The following NRG1 variants were observed in gnomAD, a reference collection of about 807,000 sequenced individuals.
NRG1 encodes neuregulin 1, also known as pro-neuregulin-1, membrane-bound isoform.
NRG1 carries 18 observed loss-of-function variants against 63.8 expected under a neutral mutation model. That is an observed-to-expected ratio of 0.28 (90% CI 0.19 to 0.42). The LOEUF (loss-of-function observed/expected upper bound fraction) is 0.42, where lower values mean the gene tolerates loss of function less well. Ranked by LOEUF, NRG1 falls within the 10% of genes least tolerant of loss-of-function variation. NRG1 has a pLI of 1.00. For missense variants in NRG1, 762 were observed against 814.7 expected, an observed-to-expected ratio of 0.94 and a Z score of 0.79; for synonymous variants, 302 against 301.3, an observed-to-expected ratio of 1.00 and a Z score of -0.02.
chr8:31,756,929 G>A (rs1817023369), intron 1 of NRG1, among the ~76,000 whole-genome samples: 1 of 152,020 alleles, frequency 6.6e-6, no homozygotes, highest in African/African-American at 2.4e-5. Flanking sequence ...CAGTCTATTG[G>A]GTCAGGGTAT....
At chr8:32,343,301 C>A (rs1804312413) in intron 1 of NRG1, among the ~76,000 whole-genome samples, 1 of 152,090 alleles carries the variant, frequency 6.6e-6, no homozygotes, top group African/African-American at 2.4e-5. Context: ...TTCTTTGTGG[C>A]CATTAGTGTT....
At chr8:32,615,643 G>A (rs1847217729) in intron 4 of NRG1, among the ~76,000 whole-genome samples, 1 of 151,942 alleles carries the variant, frequency 6.6e-6, no homozygotes, top group African/African-American at 2.4e-5. Context: ...TAATCAACAT[G>A]TCTTTTTCCA....
intron 1 of NRG1, among the ~76,000 whole-genome samples, chr8:32,401,820 C>T (rs73250454): frequency 0.062 from 9,383 of 152,212 alleles, 388 homozygotes; most frequent in Middle Eastern, 0.11. Context: ...ATAATCTGTA[C>T]GTCAAATGCC....
chr8:32,208,404 C>A (rs995601696), intron 1 of NRG1, among the ~76,000 whole-genome samples: 2 of 151,646 alleles, frequency 1.3e-5, no homozygotes, highest in African/African-American at 4.8e-5. Flanking sequence ...ATTACAGGCA[C>A]CCTCCACCAT....
intron 1 of NRG1, among the ~76,000 whole-genome samples, chr8:31,881,383 T>C (rs1028664223): frequency 6.6e-6 from 1 of 152,202 alleles, no homozygotes; most frequent in African/African-American, 2.4e-5. Context: ...AGTTGGTAAA[T>C]GTTGTGTGTA....
intron 1 of NRG1, among the ~76,000 whole-genome samples, chr8:31,803,998 G>A (rs1446455978): frequency 2.6e-5 from 4 of 152,028 alleles, no homozygotes; most frequent in South Asian, 2.1e-4. Flanking sequence ...GCCGAATATC[G>A]CCTTTCCCCA....
At chr8:32,322,275 T>A (rs1801486511) in intron 1 of NRG1, among the ~76,000 whole-genome samples, 1 of 151,618 alleles carries the variant, frequency 6.6e-6, no homozygotes, top group South Asian at 2.1e-4. Context: ...TATTATAAAA[T>A]AATAGACTTT....
intron 5 of NRG1, among the ~76,000 whole-genome samples, chr8:32,696,736 A>G (rs1469249176): frequency 7.1e-6 from 1 of 141,070 alleles, no homozygotes; most frequent in Non-Finnish European, 1.5e-5. Context: ...ATCTTGACTC[A>G]CTACAACCTC....
chr8:32,134,101 A>T (rs1011173734), intron 1 of NRG1, among the ~76,000 whole-genome samples: 12 of 152,174 alleles, frequency 7.9e-5, no homozygotes, highest in African/African-American at 2.9e-4. Flanking sequence ...AGGTCTATGA[A>T]GAAAGGACTC....
chr8:32,157,865 G>A (rs1347274311), intron 1 of NRG1, among the ~76,000 whole-genome samples: 1 of 151,970 alleles, frequency 6.6e-6, no homozygotes. Flanking sequence ...TTTGACCTGT[G>A]CTTTGAAAGG....
intron 1 of NRG1, among the ~76,000 whole-genome samples, chr8:31,869,626 A>G (rs1829302602): frequency 6.6e-6 from 1 of 152,334 alleles, no homozygotes; most frequent in East Asian, 1.9e-4. Context: ...CCTTTCAGGG[A>G]TTATTCGTGC....
intron 1 of NRG1, among the ~76,000 whole-genome samples, chr8:31,644,867 G>GA (rs140294146): frequency 1.4e-3 from 215 of 152,084 alleles, no homozygotes; most frequent in African/African-American, 5.1e-3. Flanking sequence ...TGAATGATCT[G>GA]AAAAAATAAT....
intron 1 of NRG1, among the ~76,000 whole-genome samples, chr8:32,032,300 G>A (rs2199538): frequency 0.56 from 84,446 of 151,490 alleles, 27,352 homozygotes; most frequent in South Asian, 0.74. Flanking sequence ...TCACAGTGTC[G>A]TTCAGGCTGG....
At chr8:31,651,870 T>A (rs1804880984) in intron 1 of NRG1, among the ~76,000 whole-genome samples, 1 of 152,158 alleles carries the variant, frequency 6.6e-6, no homozygotes, top group South Asian at 2.1e-4. Flanking sequence ...AAATTATGTT[T>A]CCTCAATCTA....
chr8:31,753,853 C>T (rs1816714722), intron 1 of NRG1, among the ~76,000 whole-genome samples: 1 of 151,904 alleles, frequency 6.6e-6, no homozygotes, highest in African/African-American at 2.4e-5. Flanking sequence ...ATTTGTTATT[C>T]TTTGGATCTA....
intron 1 of NRG1, among the ~76,000 whole-genome samples, chr8:31,855,359 T>G (rs1441908889): frequency 6.6e-6 from 1 of 152,192 alleles, no homozygotes; most frequent in Admixed American, 6.5e-5. Context: ...CCCTTTACCA[T>G]TATGTAATGG....
intron 1 of NRG1, among the ~76,000 whole-genome samples, chr8:31,963,644 C>A (rs1032545499): frequency 6.6e-6 from 1 of 152,136 alleles, no homozygotes; most frequent in Admixed American, 6.5e-5. Flanking sequence ...AATTGTATAT[C>A]TCCTCTCTTT....
intron 1 of NRG1, among the ~76,000 whole-genome samples, chr8:32,378,693 T>C (rs569369893): frequency 3.9e-5 from 6 of 152,212 alleles, no homozygotes; most frequent in Non-Finnish European, 4.4e-5. Flanking sequence ...TATTTATACA[T>C]GTGCCATGTT....
At chr8:31,919,210 C>T (rs973979438) in intron 1 of NRG1, among the ~76,000 whole-genome samples, 7 of 151,964 alleles carry the variant, frequency 4.6e-5, no homozygotes, top group Non-Finnish European at 8.8e-5. Context: ...TCCTTCCGTT[C>T]TGCTCTGATC....
Sources: gnomAD v4.1 joint callset for allele counts (sites outside exome capture counted in the v4.1 genomes callset) on GRCh38, gnomAD v4.1.1 for gene constraint, MANE v1.5 for transcripts, NCBI Gene and HGNC (gene_info 2026-07-23, HGNC 2026-07-21) for gene names.